SLC25A26: variants seen among roughly 807,000 people sequenced by gnomAD.
SLC25A26 encodes solute carrier family 25 member 26.
In SLC25A26, 36 loss-of-function variants were observed where a neutral mutation model predicts 37.8. The observed-to-expected ratio is 0.95, with a 90% CI of 0.73 to 1.26. The LOEUF is 1.26. Ranked by LOEUF, SLC25A26 falls within the 50% of genes most tolerant of loss-of-function variation. SLC25A26 has a pLI of 0.00. For missense variants in SLC25A26, 390 were observed against 331.1 expected (o/e 1.18, Z -1.38); for synonymous variants, 129 against 122.5 (o/e 1.05, Z -0.35).
chr3:66,243,462 C>T (rs1012375986), intron 3 of SLC25A26, 150 bp downstream of exon 3: 15 of 496,796 alleles, frequency 3.0e-5, no homozygotes, highest in Non-Finnish European at 3.9e-5. Flanking sequence ...TATGACAGTT[C>T]GAAGATAGAG....
chr3:66,163,320 C>T (rs553369464), intron 1 of SLC25A26, among the ~76,000 whole-genome samples: 1 of 152,154 alleles, frequency 6.6e-6, no homozygotes, highest in East Asian at 1.9e-4. Flanking sequence ...AAGAGATAGA[C>T]GTGTTGCAGA....
intron 5 of SLC25A26, among the ~76,000 whole-genome samples, chr3:66,318,346 A>G (rs1026628259): frequency 2.6e-5 from 4 of 152,178 alleles, no homozygotes; most frequent in Admixed American, 2.6e-4. Flanking sequence ...GATTGCAAGA[A>G]TCTGTGGGAA....
intron 6 of SLC25A26, among the ~76,000 whole-genome samples, chr3:66,357,297 C>G (rs1465292104): frequency 6.6e-6 from 1 of 152,082 alleles, no homozygotes; most frequent in African/African-American, 2.4e-5. Context: ...GCCCATAGTC[C>G]CAGTTACTCA....
rs1303383061 is a variant in SLC25A26 at position 66,212,226 on chromosome 3, C to G, written c.-353-8516C>G. On this transcript the variant is annotated intron_variant, in intron 1 of 10. Transcript: ENST00000676754. ...TCCTGGGCTCAAGTGATCCTCCCACCTCAGCCTCCTGAGGAGCTGGGACTA... is the reference window on the plus strand; with the variant it reads ...TCCTGGGCTCAAGTGATCCTCCCACGTCAGCCTCCTGAGGAGCTGGGACTA... Among the ~76,000 whole-genome samples the G allele has an allele frequency of 8.5e-5, 13 of 152,138 alleles. No homozygotes were observed. In the East Asian group the frequency reaches 2.5e-3, roughly 29 times the overall value.
chr3:66,340,394 G>C (rs575973859), intron 5 of SLC25A26, among the ~76,000 whole-genome samples: 12 of 152,168 alleles, frequency 7.9e-5, no homozygotes, highest in African/African-American at 2.9e-4. Context: ...ACCTTTCGAT[G>C]AGCAGAAGTT....
intron 1 of SLC25A26, among the ~76,000 whole-genome samples, chr3:66,185,017 A>G (rs2070798658): frequency 1.3e-5 from 2 of 152,358 alleles, no homozygotes; most frequent in South Asian, 4.1e-4. Flanking sequence ...TATACAGTTC[A>G]GTGGCACTAA....
intron 5 of SLC25A26, among the ~76,000 whole-genome samples, chr3:66,306,979 G>A (rs2075244126): frequency 6.9e-6 from 1 of 144,974 alleles, no homozygotes; most frequent in African/African-American, 2.4e-5. Flanking sequence ...GTGTGTGTGT[G>A]CCTTTATAGT....
At chr3:66,175,846 T>C (rs2070579177) in intron 1 of SLC25A26, among the ~76,000 whole-genome samples, 1 of 152,218 alleles carries the variant, frequency 6.6e-6, no homozygotes, top group Non-Finnish European at 1.5e-5. Context: ...TCTGTTTCAC[T>C]CAGTGCACTG....
intron 1 of SLC25A26, among the ~76,000 whole-genome samples, chr3:66,195,188 T>C (rs2071024558): frequency 1.3e-5 from 2 of 152,118 alleles, no homozygotes; most frequent in African/African-American, 2.4e-5. Context: ...TTTCAGAGAG[T>C]AGCCTCCGCC....
At chr3:66,216,782 T>C (rs1180762274), upstream of SLC25A26, among the ~76,000 whole-genome samples, 2 of 7,694 alleles carry the variant, frequency 2.6e-4, no homozygotes, top group African/African-American at 3.6e-4. Flanking sequence ...TAATATCACA[T>C]GTGTAATGCA....
chr3:66,239,053 A>G (rs551284984), intron 2 of SLC25A26, among the ~76,000 whole-genome samples: 3 of 152,338 alleles, frequency 2.0e-5, no homozygotes, highest in East Asian at 1.9e-4. Context: ...AAGGAAGTCA[A>G]AAGCAGTCTT....
Position 66,356,660 on chromosome 3 carries a change from GC to G in SLC25A26, c.499-6199del, listed in dbSNP as rs1248058106. Among the ~76,000 whole-genome samples the G allele has an allele frequency of 3.3e-5, 5 of 152,146 alleles. No homozygotes were observed. In the East Asian group the frequency reaches 5.8e-4, roughly 18 times the overall value. On this transcript the variant is annotated intron_variant, in intron 6 of 9. Coordinates refer to ENST00000354883, the MANE Select transcript of SLC25A26 (RefSeq NM_001379210.1). ...TTATTATTTTTTGAGATAGGGTCTTGCTCTGTCACCCAGGCTGGATTGCAGT... is the reference window on the plus strand; with the variant it reads ...TTATTATTTTTTGAGATAGGGTCTTGTCTGTCACCCAGGCTGGATTGCAGT...
At chr3:66,284,519 CA>C (rs2074445930) in intron 5 of SLC25A26, among the ~76,000 whole-genome samples, 1 of 152,050 alleles carries the variant, frequency 6.6e-6, no homozygotes, top group African/African-American at 2.4e-5. Flanking sequence ...GAGACACATG[CA>C]ACAATATGCA....
intron 1 of SLC25A26, among the ~76,000 whole-genome samples, chr3:66,135,903 A>T (rs752815695): frequency 5.3e-5 from 8 of 152,236 alleles, no homozygotes; most frequent in African/African-American, 9.6e-5. Flanking sequence ...TTTCAATGAA[A>T]TACCTGTCTT....
At chr3:66,300,946 T>C (rs1016445569) in intron 5 of SLC25A26, among the ~76,000 whole-genome samples, 12 of 152,234 alleles carry the variant, frequency 7.9e-5, no homozygotes, top group African/African-American at 2.9e-4. Context: ...TTTGGATTTC[T>C]AAGCAGATTT....
chr3:66,312,058 C>T (rs543441636), intron 5 of SLC25A26, among the ~76,000 whole-genome samples: 55 of 152,344 alleles, frequency 3.6e-4, no homozygotes, highest in African/African-American at 1.2e-3. Context: ...AGCTGGCAGA[C>T]AGGAACAGTT....
chr3:66,237,451 T>G (rs1037245756), intron 2 of SLC25A26, among the ~76,000 whole-genome samples: 3 of 152,212 alleles, frequency 2.0e-5, no homozygotes, highest in Non-Finnish European at 1.5e-5. Flanking sequence ...TGAAGCCAAG[T>G]TTGATAATAG....
intron 7 of SLC25A26, among the ~76,000 whole-genome samples, chr3:66,369,200 C>A: frequency 6.6e-6 from 1 of 152,256 alleles, no homozygotes; most frequent in Non-Finnish European, 1.5e-5. Context: ...TAAACATACA[C>A]ACTCATTAGT....
At chr3:66,246,545 C>T (rs2072849806) in intron 3 of SLC25A26, among the ~76,000 whole-genome samples, 1 of 151,932 alleles carries the variant, frequency 6.6e-6, no homozygotes, top group East Asian at 1.9e-4. Context: ...CTAAGATTTA[C>T]AAATATTATG....
Sources: gnomAD v4.1 joint callset for allele counts (sites outside exome capture counted in the v4.1 genomes callset) on GRCh38, gnomAD v4.1.1 for gene constraint, MANE v1.5 for transcripts, NCBI Gene and HGNC (gene_info 2026-07-23, HGNC 2026-07-21) for gene names.